Variants in ATP4A observed in about 807,000 individuals in gnomAD.
ATP4A encodes the protein potassium-transporting ATPase alpha chain 1.
A neutral mutation model predicts 112.1 loss-of-function variants in ATP4A; 73 were observed. That is an observed-to-expected ratio of 0.65 (90% CI 0.54 to 0.79). ATP4A has a LOEUF of 0.79. Among genes scored for constraint, ATP4A ranks in the 30% least tolerant of loss-of-function variants. The pLI, the probability that ATP4A is intolerant of heterozygous loss-of-function variation, is 0.00. For synonymous variants in ATP4A, 588 were observed against 588.9 expected (o/e 1.00, Z 0.02); for missense variants, 1,081 against 1,425.9 (o/e 0.76, Z 3.90).
Position 35,560,656 on chromosome 19 carries a change from G to T in ATP4A, c.535-41C>A. On this transcript the variant is annotated intron_variant, in intron 5 of 21. Coordinates refer to ENST00000262623, the MANE Select transcript of ATP4A (RefSeq NM_000704.3). This position sits in a 1 kb window ranked among gnomAD's most constrained non-coding sequence, Gnocchi z 5.1. ...ACCAAAGTTGAGGTGGACGGGGGTGGGGGTGGGAGCTGCTGCATGTGGGGA... is the reference window on the plus strand; with the variant it reads ...ACCAAAGTTGAGGTGGACGGGGGTGTGGGTGGGAGCTGCTGCATGTGGGGA... 1 of 1,566,094 alleles carries T rather than the reference G, an allele frequency of 6.4e-7. No individual in the cohort carries two copies. Among genetic ancestry groups the T allele is most frequent in the Non-Finnish European group, 8.8e-7 (1 of 1,142,416 alleles).
intron 18 of ATP4A, among the ~76,000 whole-genome samples, chr19:35,552,132 C>G (rs1054299517): frequency 6.6e-6 from 1 of 152,118 alleles, no homozygotes; most frequent in African/African-American, 2.4e-5. Context: ...CTGCAACTTC[C>G]GAATCCCAGG....
Position 35,560,599 on chromosome 19 carries a change from C to T in ATP4A, c.551G>A (p.Arg184His), listed in dbSNP as rs1371898223. The T allele has an allele frequency of 1.7e-5, 23 of 1,361,332 alleles. No individual in the cohort carries two copies. The highest frequency in any genetic ancestry group is 2.1e-4 in the Middle Eastern group (1 of 4,832). The allele number at this position is 1,361,332 out of a possible 1,614,324, so 84.3% of individuals were successfully genotyped here. A position where few individuals can be genotyped will look rare whatever the true frequency, so the allele number is the denominator to read the frequency against. ...NLVPQQATVI[R>H]DGDKFQINAD... ...GTTGATCTGGAATTTGTCTCCATCG[C>T]GGATGACAGTGGCTTGCTGCGGGGC... is the stretch of plus-strand genomic sequence containing the variant. The change falls in exon 6 of 22, where the codon CGC becomes CAC. Residue 184 changes from arginine to histidine, a missense_variant. Arg to His is a conservative substitution (Grantham distance 29). This residue lies in a region of ATP4A where 850 missense variants were observed against 1,068.2 expected (regional missense o/e 0.80). Coordinates refer to ENST00000262623, the MANE Select transcript of ATP4A (RefSeq NM_000704.3). The surrounding 1 kb of genome is among the most constrained non-coding windows in gnomAD (Gnocchi z 5.1).
intron 16 of ATP4A, among the ~76,000 whole-genome samples, chr19:35,554,240 G>A (rs962853157): frequency 6.6e-6 from 1 of 151,842 alleles, no homozygotes; most frequent in African/African-American, 2.4e-5. Context: ...TGGCAGCAGA[G>A]CATACTGACC....
rs201056106 is a variant in ATP4A, at chr19:35,563,506, C to A, written c.34G>T (p.Val12Leu). ...GKAENYELYS[V>L]ELGPGPGGDM... The stretch of plus-strand genomic sequence containing the variant: ...CCGCCAGGGCCAGGACCCAGCTCCA[C>A]CGAGTAGAGCTCATAGTTCTCCTGG... Residue 12 changes from valine to leucine, a missense_variant, in exon 2 of 22, where the codon GTG (valine) becomes TTG (leucine). Physicochemically the swap from Val to Leu is conservative, Grantham distance 32. Around this residue, in one of 3 missense-constraint regions of ATP4A, gnomAD observed 850 missense variants for 1,068.2 expected, o/e 0.80. Coordinates refer to ENST00000262623, the MANE Select transcript of ATP4A (RefSeq NM_000704.3). 1.9e-6 allele frequency: 3 copies of A among 1,614,090 alleles called. No homozygotes were observed. In the East Asian group the frequency reaches 6.7e-5, roughly 36 times the overall value.
rs201872605 is a variant in ATP4A, at chr19:35,553,797, G to A, written c.2514C>T (p.Ala838=). The change falls in exon 17 of 22, where the codon GCC becomes GCT. Residue 838 remains alanine, a synonymous_variant. Transcript: ENST00000262623. ...GACGCAGGTGCATGATGTCACTCTC[G>A]GCCTTTTCATATGCCAGGGACACAG... ...FPSVSLAYEK[A]ESDIMHLRPR... The A allele has an allele frequency of 5.8e-5, 92 of 1,597,568 alleles. No homozygotes were observed. The highest frequency in any genetic ancestry group is 7.5e-5 in the Non-Finnish European group (88 of 1,172,186).
At chr19:35,553,379 G>C (rs996535723) in intron 17 of ATP4A, among the ~76,000 whole-genome samples, 197 bp from the exon 18 acceptor site, 1 of 152,142 alleles carries the variant, frequency 6.6e-6, no homozygotes, top group African/African-American at 2.4e-5. Flanking sequence ...AACAGTGACA[G>C]AGACACAGAG....
Position 35,563,396 on chromosome 19 carries a change from C to G in ATP4A, c.144G>C (p.Lys48Asn). The stretch of plus-strand genomic sequence containing the variant: ...AGTCAGAGCTCACAATCTCCATCTC[C>G]TTCTTCATGTTCTCCAGCTTCTCCT... ...KRKEKLENMK[K>N]EMEINDHQLS... Residue 48 changes from lysine (K) to asparagine (N), a missense_variant, in exon 2 of 22, where the codon AAG becomes AAC. This residue lies in a region of ATP4A where 850 missense variants were observed against 1,068.2 expected (regional missense o/e 0.80). Coordinates refer to ENST00000262623, the MANE Select transcript of ATP4A (RefSeq NM_000704.3). 6.2e-7 allele frequency: 1 copy of G among 1,613,746 alleles called. No individual in the cohort carries two copies. The highest frequency in any genetic ancestry group is 8.5e-7 in the Non-Finnish European group (1 of 1,179,892).
Position 35,562,415 on chromosome 19 carries a change from G to C in ATP4A, c.420+20C>G. On this transcript the variant is annotated intron_variant, in intron 4 of 21. Coordinates refer to ENST00000262623, the MANE Select transcript of ATP4A (RefSeq NM_000704.3). ...CCCCAGGTCCCCATGTCCTGAGCCT[G>C]TCCCCACAACATGGCTCACATTGTC... 6.2e-7 allele frequency: 1 copy of C among 1,609,496 alleles called. No individual in the cohort carries two copies. Among genetic ancestry groups the C allele is most frequent in the Non-Finnish European group, 8.5e-7 (1 of 1,177,378 alleles).
chr19:35,550,141 G>A lies in ATP4A; in HGVS notation c.*474C>T, dbSNP rs556378541. On this transcript the variant is annotated 3_prime_UTR_variant, in exon 22 of 22. Coordinates refer to ENST00000262623, the MANE Select transcript of ATP4A (RefSeq NM_000704.3). This position sits in a 1 kb window ranked among gnomAD's most constrained non-coding sequence, Gnocchi z 4.1. ...AAACAGCCCCCATGTACAGGACTGT[G>A]GGAGATCACAAGCACTAATGAGAGA... The A allele has an allele frequency of 9.5e-6, 2 of 210,548 alleles. No homozygotes were observed. The highest frequency in any genetic ancestry group is 4.6e-5 in the African/African-American group (2 of 43,268). The allele number at this position is 210,548 out of a possible 1,614,324, so 13.0% of individuals were successfully genotyped here.
Position 35,555,206 on chromosome 19 carries a change from C to T in ATP4A, c.2286G>A (p.Leu762=). ...AAKNAADMIL[L]DDNFASIVTG... ...TCACAATGGAGGCAAAGTTGTCATC[C>T]AGCAGGATCATGTCAGCTGCATTTT... Residue 762 remains leucine, a synonymous_variant, in exon 15 of 22, where the codon CTG becomes CTA. Transcript: ENST00000262623. This position sits in a 1 kb window ranked among gnomAD's most constrained non-coding sequence, Gnocchi z 6.6. The T allele has an allele frequency of 1.2e-6, 2 of 1,614,168 alleles. No individual in the cohort carries two copies. Among genetic ancestry groups the T allele is most frequent in the Non-Finnish European group, 1.7e-6 (2 of 1,180,032 alleles).
chr19:35,555,291 G>A lies in ATP4A; in HGVS notation c.2201C>T (p.Pro734Leu), dbSNP rs775868034. The A allele has an allele frequency of 1.2e-6, 2 of 1,614,168 alleles. No individual in the cohort carries two copies. The highest frequency in any genetic ancestry group is 1.7e-6 in the Non-Finnish European group (2 of 1,180,020). The change falls in exon 15 of 22, where the codon CCA becomes CTA. Residue 734 changes from proline to leucine, a missense_variant. Pro to Leu is a moderately conservative substitution (Grantham distance 98). Around this residue, in one of 3 missense-constraint regions of ATP4A, gnomAD observed 850 missense variants for 1,068.2 expected, o/e 0.80. Coordinates refer to ENST00000262623, the MANE Select transcript of ATP4A (RefSeq NM_000704.3). The surrounding 1 kb of genome is among the most constrained non-coding windows in gnomAD (Gnocchi z 6.6). ...TCCGATGTCTGCCTTCTTCAGAGCTGGGGAGTCATTCACACCATCCCCCGT... is the reference window on the plus strand; with the variant it reads ...TCCGATGTCTGCCTTCTTCAGAGCTAGGGAGTCATTCACACCATCCCCCGT... ...AVTGDGVNDSPALKKADIGVA... is the reference protein window; with the variant it reads ...AVTGDGVNDSLALKKADIGVA...
Position 35,557,770 on chromosome 19 carries a change from C to T in ATP4A, c.1578G>A (p.Leu526=), listed in dbSNP as rs1185724513. 2.5e-6 allele frequency: 4 copies of T among 1,586,720 alleles called. No homozygotes were observed. The highest frequency in any genetic ancestry group is 3.4e-6 in the Non-Finnish European group (4 of 1,161,652). ...TGATAAGGATGGAGCTGCAGCGCTC[C>T]AGCACGCGCTCGGGGGCGCCCTTCA... ...LVMKGAPERV[L]ERCSSILIKG... Residue 526 remains leucine (L), a synonymous_variant, in exon 11 of 22, where the codon CTG becomes CTA. Transcript: ENST00000262623. This position sits in a 1 kb window ranked among gnomAD's most constrained non-coding sequence, Gnocchi z 4.4.
At position 35,557,725 on chromosome 19, in the gene ATP4A, C is replaced by A; in HGVS notation, c.1623G>T (p.Leu541=). 6.2e-7 allele frequency: 1 copy of A among 1,607,700 alleles called. No individual in the cohort carries two copies. The change falls in exon 11 of 22, where the codon CTG becomes CTT. Residue 541 remains leucine (L), a synonymous_variant. Transcript: ENST00000262623. The surrounding 1 kb of genome is among the most constrained non-coding windows in gnomAD (Gnocchi z 4.4). ...SILIKGQELP[L]DEQWREAFQT... ...GGAAGGCCTCGCGCCACTGCTCGTC[C>A]AGCGGCAGCTCCTGGCCCTTGATAA...
In ATP4A at chr19:35,555,932, C is replaced by T. The variant is rs140300079; in HGVS notation, c.1870-120G>A. The T allele has an allele frequency of 7.7e-4, 1,069 of 1,393,150 alleles. 10 individuals are homozygous for T. In the African/African-American group the frequency reaches 0.011, roughly 14 times the overall value. 86.3% of individuals were successfully genotyped at this position (1,393,150 alleles called of 1,614,324 possible). A position where few individuals can be genotyped will look rare whatever the true frequency, so the allele number is the denominator to read the frequency against. On this transcript the variant is annotated intron_variant, in intron 12 of 21. Coordinates refer to ENST00000262623, the MANE Select transcript of ATP4A (RefSeq NM_000704.3). This position sits in a 1 kb window ranked among gnomAD's most constrained non-coding sequence, Gnocchi z 6.6. ...CTTGACCAAGCGTGACCACCTCCTACGTGCCTGGGATATAGCAGAGACAAA... is the reference window on the plus strand; with the variant it reads ...CTTGACCAAGCGTGACCACCTCCTATGTGCCTGGGATATAGCAGAGACAAA...
In ATP4A at chr19:35,563,217, C is replaced by T; in HGVS notation, c.208G>A (p.Ala70Thr). The T allele has an allele frequency of 1.2e-6, 2 of 1,613,948 alleles. No homozygotes were observed. Among genetic ancestry groups the T allele is most frequent in the Non-Finnish European group, 1.7e-6 (2 of 1,180,016 alleles). Residue 70 changes from alanine to threonine, a missense_variant, in exon 3 of 22, where the codon GCC becomes ACC. Around this residue, in one of 3 missense-constraint regions of ATP4A, gnomAD observed 850 missense variants for 1,068.2 expected, o/e 0.80. Coordinates refer to ENST00000262623, the MANE Select transcript of ATP4A (RefSeq NM_000704.3). The stretch of plus-strand genomic sequence containing the variant: ...CCCAGTCTCCAGCTCACCTTGGTGG[C>T]ACTGGTCTGGTATTTCTGTTCCAGC... Reference protein sequence around the residue: ...AELEQKYQTSATKGLSASLAA... With the variant: ...AELEQKYQTSTTKGLSASLAA...
chr19:35,551,405 G>A lies in ATP4A; in HGVS notation c.2885+42C>T, dbSNP rs2071601145. ...ACAGTCAGGATCTGATGGGAGTTGGGACCAGGGGTTGGAGGGCAGGAAGAG... is the reference window on the plus strand; with the variant it reads ...ACAGTCAGGATCTGATGGGAGTTGGAACCAGGGGTTGGAGGGCAGGAAGAG... On this transcript the variant is annotated intron_variant, in intron 19 of 21. Transcript: ENST00000262623. The surrounding 1 kb of genome is among the most constrained non-coding windows in gnomAD (Gnocchi z 5.2). The A allele has an allele frequency of 6.2e-7, 1 of 1,613,290 alleles. No homozygotes were observed. The highest frequency in any genetic ancestry group is 8.5e-7 in the Non-Finnish European group (1 of 1,179,946).
In ATP4A at chr19:35,558,068, G is replaced by A. The variant is rs2071643100; in HGVS notation, c.1501-221C>T. The A allele has an allele frequency of 3.3e-6, 2 of 609,856 alleles. No homozygotes were observed. The highest frequency in any genetic ancestry group is 3.7e-5 in the African/African-American group (2 of 53,610). The allele number at this position is 609,856 out of a possible 1,614,324, so 37.8% of individuals were successfully genotyped here. On this transcript the variant is annotated intron_variant, in intron 10 of 21. Coordinates refer to ENST00000262623, the MANE Select transcript of ATP4A (RefSeq NM_000704.3). This position sits in a 1 kb window ranked among gnomAD's most constrained non-coding sequence, Gnocchi z 5.1. ...GGGCTAGGTGCAGATTTGGAGTCCTGGACGCAGGGAATGAACAGAATTAGG... is the reference window on the plus strand; with the variant it reads ...GGGCTAGGTGCAGATTTGGAGTCCTAGACGCAGGGAATGAACAGAATTAGG...
chr19:35,558,029 T>A lies in ATP4A; in HGVS notation c.1501-182A>T. Reference sequence around the variant, plus strand: ...GTGTGGAGGGGTCCTTGGTAGAAGGTAAGCGTTAAGGCGGGGCTAGGTGCA... The same window carrying A: ...GTGTGGAGGGGTCCTTGGTAGAAGGAAAGCGTTAAGGCGGGGCTAGGTGCA... On this transcript the variant is annotated intron_variant, in intron 10 of 21. Coordinates refer to ENST00000262623, the MANE Select transcript of ATP4A (RefSeq NM_000704.3). This position sits in a 1 kb window ranked among gnomAD's most constrained non-coding sequence, Gnocchi z 5.1. 1.6e-6 allele frequency: 1 copy of A among 619,442 alleles called. No individual in the cohort carries two copies. Among genetic ancestry groups the A allele is most frequent in the Non-Finnish European group, 2.8e-6 (1 of 362,324 alleles). 38.4% of individuals were successfully genotyped at this position (619,442 alleles called of 1,614,324 possible). A position where few individuals can be genotyped will look rare whatever the true frequency, so the allele number is the denominator to read the frequency against.
chr19:35,551,254 A>C lies in ATP4A; in HGVS notation c.2886-143T>G. ...AACACTGGAGTGGCCCGGGCCTCTC[A>C]GCACCACCCCTTTAGTGAAATGTGG... On this transcript the variant is annotated intron_variant, in intron 19 of 21. Coordinates refer to ENST00000262623, the MANE Select transcript of ATP4A (RefSeq NM_000704.3). The surrounding 1 kb of genome is among the most constrained non-coding windows in gnomAD (Gnocchi z 5.2). The C allele has an allele frequency of 2.5e-6, 3 of 1,209,552 alleles. No individual in the cohort carries two copies. Among genetic ancestry groups the C allele is most frequent in the Non-Finnish European group, 3.5e-6 (3 of 856,520 alleles). The allele number at this position is 1,209,552 out of a possible 1,614,324, so 74.9% of individuals were successfully genotyped here. A position where few individuals can be genotyped will look rare whatever the true frequency, so the allele number is the denominator to read the frequency against.
Sources: gnomAD v4.1 joint callset for allele counts (sites outside exome capture counted in the v4.1 genomes callset) on GRCh38, gnomAD v4.1.1 for gene constraint, gnomAD v4.1.1 regional missense constraint, Gnocchi (gnomAD v3.1) non-coding constraint, MANE v1.5 for transcripts, NCBI Gene and HGNC (gene_info 2026-07-23, HGNC 2026-07-21) for gene names.